CRYBA1: variants seen among roughly 807,000 people sequenced by gnomAD.
The protein encoded by CRYBA1 is crystallin beta A1.
In CRYBA1, 25 loss-of-function variants were observed where a neutral mutation model predicts 36.2. The observed-to-expected ratio is 0.69, with a 90% CI of 0.50 to 0.97. CRYBA1 has a LOEUF of 0.97. CRYBA1 is among the 50% of genes least tolerant of loss of function. The pLI, the probability that CRYBA1 is intolerant of heterozygous loss-of-function variation, is 0.00. For synonymous variants in CRYBA1, 111 were observed against 90.0 expected, an observed-to-expected ratio of 1.23 and a Z score of -1.32; for missense variants, 224 against 276.3, an observed-to-expected ratio of 0.81 and a Z score of 1.34.
intron 2 of CRYBA1, 145 bp from the exon 3 acceptor site, chr17:29,250,037 G>A (rs2068925685): frequency 1.3e-6 from 1 of 742,908 alleles, no homozygotes; most frequent in Non-Finnish European, 2.5e-6. Flanking sequence ...TTCCTGCCCT[G>A]TCTACACTGG....
In CRYBA1 at chr17:29,252,145, G is replaced by C; in HGVS notation, c.297G>C (p.Trp99Cys). ...GAGAATACCCTCGCTGGGATGCCTG[G>C]AGTGGGAGTAATGCCTACCACATTG... ...ERGEYPRWDA[W>C]SGSNAYHIER... Residue 99 changes from tryptophan (W) to cysteine (C), a missense_variant, in exon 4 of 6, where the codon TGG (tryptophan) becomes TGC (cysteine). By Grantham distance (215) the Trp-to-Cys change is radical. Transcript: ENST00000225387. 1 of 1,614,120 alleles carries C rather than the reference G, an allele frequency of 6.2e-7. No individual in the cohort carries two copies. The highest frequency in any genetic ancestry group is 1.7e-5 in the Admixed American group (1 of 60,016).
intron 1 of CRYBA1, among the ~76,000 whole-genome samples, chr17:29,247,220 C>T (rs1172539170): frequency 1.3e-5 from 2 of 152,192 alleles, no homozygotes; most frequent in Non-Finnish European, 2.9e-5. Context: ...AGTTGACATG[C>T]ATCATTCCTG....
At chr17:29,249,880 G>A (rs1043837249) in intron 2 of CRYBA1, among the ~76,000 whole-genome samples, 10 of 150,486 alleles carry the variant, frequency 6.6e-5, no homozygotes, top group Admixed American at 4.6e-4. Context: ...AGGAACTGTG[G>A]TGGAATGGGA....
At chr17:29,253,898 CA>C (rs2068951951) in intron 5 of CRYBA1, 116 bp downstream of exon 5, 1 of 1,345,980 alleles carries the variant, frequency 7.4e-7, no homozygotes, top group Admixed American at 2.0e-5. Flanking sequence ...TCTAGTTCTA[CA>C]TAATTTTGAA....
rs1302272699 is a variant in CRYBA1, at chr17:29,253,628, T to C, written c.358-12T>C. On this transcript the variant is annotated splice_polypyrimidine_tract_variant and intron_variant, in intron 4 of 5. Coordinates refer to ENST00000225387, the MANE Select transcript of CRYBA1 (RefSeq NM_005208.5). Reference sequence around the variant, plus strand: ...TAGTACTAAACATTTTAAAACAATTTCTGAATTACAGAATCATAAGGAGTC... The same window carrying C: ...TAGTACTAAACATTTTAAAACAATTCCTGAATTACAGAATCATAAGGAGTC... 1 of 1,608,930 alleles carries C rather than the reference T, an allele frequency of 6.2e-7. No individual in the cohort carries two copies. Among genetic ancestry groups the C allele is most frequent in the Non-Finnish European group, 8.5e-7 (1 of 1,175,352 alleles).
At chr17:29,247,225 T>C (rs2068906189) in intron 1 of CRYBA1, among the ~76,000 whole-genome samples, 1 of 152,166 alleles carries the variant, frequency 6.6e-6, no homozygotes, top group African/African-American at 2.4e-5. Context: ...ACATGCATCA[T>C]TCCTGGGCCC....
Position 29,254,190 on chromosome 17 carries a change from T to C in CRYBA1, c.501-12T>C. The C allele has an allele frequency of 2.5e-6, 4 of 1,614,042 alleles. No homozygotes were observed. Among genetic ancestry groups the C allele is most frequent in the East Asian group, 4.5e-5 (2 of 44,882 alleles). Reference sequence around the variant, plus strand: ...TTAGTTTTAATAATGAAATGTACTTTGAATTTCCTAGCTGGGTTTGCTACC... The same window carrying C: ...TTAGTTTTAATAATGAAATGTACTTCGAATTTCCTAGCTGGGTTTGCTACC... On this transcript the variant is annotated splice_polypyrimidine_tract_variant and intron_variant, in intron 5 of 5. Coordinates refer to ENST00000225387, the MANE Select transcript of CRYBA1 (RefSeq NM_005208.5).
intron 2 of CRYBA1, 81 bp downstream of exon 2, chr17:29,249,287 A>G (rs941126811): frequency 3.7e-5 from 36 of 978,300 alleles, no homozygotes; most frequent in Non-Finnish European, 5.2e-5. Flanking sequence ...CTCGTCCATA[A>G]GGCAGTGACT....
At chr17:29,251,471 G>A (rs781677003) in intron 3 of CRYBA1, among the ~76,000 whole-genome samples, 33 of 151,996 alleles carry the variant, frequency 2.2e-4, no homozygotes, top group Non-Finnish European at 4.7e-4. Flanking sequence ...TAGAGAATAG[G>A]TGATTTGGAG....
At chr17:29,247,018 G>T in intron 1 of CRYBA1, 124 bp downstream of exon 1, 1 of 1,099,032 alleles carries the variant, frequency 9.1e-7, no homozygotes. Flanking sequence ...AGAAGAGTGG[G>T]GAACTCTGGC....
Position 29,251,993 on chromosome 17 carries a change from C to T in CRYBA1, c.216-71C>T, listed in dbSNP as rs55885610. ...TACCCCACTATTGACTTATCTAAAA[C>T]GAAAGATGCCTTCTCCCCAAGGCCA... On this transcript the variant is annotated intron_variant, in intron 3 of 5. Transcript: ENST00000225387. 0.03 allele frequency: 48,672 copies of T among 1,605,860 alleles called. 866 individuals are homozygous for T. The highest frequency in any genetic ancestry group is 0.035 in the Non-Finnish European group (40,741 of 1,172,682).
In CRYBA1 at chr17:29,254,340, C is replaced by G. The variant is rs1474399687; in HGVS notation, c.639C>G (p.Ile213Met). The G allele has an allele frequency of 6.8e-6, 11 of 1,614,114 alleles. No individual in the cohort carries two copies. Among genetic ancestry groups the G allele is most frequent in the Non-Finnish European group, 9.3e-6 (11 of 1,180,020 alleles). The change falls in exon 6 of 6, where the codon ATC (isoleucine) becomes ATG (methionine). Residue 213 changes from isoleucine to methionine, a missense_variant. Coordinates refer to ENST00000225387, the MANE Select transcript of CRYBA1 (RefSeq NM_005208.5). ...QTSQIQSIRR[I>M]QQ Reference sequence around the variant, plus strand: ...CGCAGATCCAATCGATTCGCCGAATCCAACAGTAGCTGATTAAAAGCTCCA... The same window carrying G: ...CGCAGATCCAATCGATTCGCCGAATGCAACAGTAGCTGATTAAAAGCTCCA...
At chr17:29,250,151 A>G in intron 2 of CRYBA1, 31 bp from the exon 3 acceptor site, 2 of 1,207,168 alleles carry the variant, frequency 1.7e-6, no homozygotes, top group Non-Finnish European at 2.5e-6. Flanking sequence ...CTGATGTTCT[A>G]GCTCTCTTGC....
chr17:29,248,116 CAAA>C (rs561299746), intron 1 of CRYBA1, among the ~76,000 whole-genome samples: 2 of 130,070 alleles, frequency 1.5e-5, no homozygotes. Flanking sequence ...AACTCTATCT[CAAA>C]AAAAAAAAAA....
At chr17:29,252,711 G>A (rs935002550) in intron 4 of CRYBA1, among the ~76,000 whole-genome samples, 1 of 152,136 alleles carries the variant, frequency 6.6e-6, no homozygotes, top group African/African-American at 2.4e-5. Context: ...GATGTTTCTG[G>A]TCTTTGGAAA....
At chr17:29,253,559 A>G in intron 4 of CRYBA1, 81 bp from the exon 5 acceptor site, 1 of 1,182,612 alleles carries the variant, frequency 8.5e-7, no homozygotes, top group Non-Finnish European at 1.2e-6. Flanking sequence ...ATAATCCAAA[A>G]GTGTTTCAAT....
rs2068957628 is a variant in CRYBA1 at position 29,254,479 on chromosome 17, A to AT, written c.*133dup. ...GCTGCTGAAATCCACAATAAACGTC[A>AT]TTTAAAAAAAAAAAACTTTGTAGAC... On this transcript the variant is annotated 3_prime_UTR_variant, in exon 6 of 6. Transcript: ENST00000225387. 1.0e-6 allele frequency: 1 copy of AT among 965,522 alleles called. No homozygotes were observed. Among genetic ancestry groups the AT allele is most frequent in the South Asian group, 1.5e-5 (1 of 68,628 alleles). 59.8% of individuals were successfully genotyped at this position (965,522 alleles called of 1,614,324 possible). A position where few individuals can be genotyped will look rare whatever the true frequency, so the allele number is the denominator to read the frequency against.
Position 29,252,098 on chromosome 17 carries a change from C to T in CRYBA1, c.250C>T (p.Gln84Ter), listed in dbSNP as rs2068939312. 1.9e-6 allele frequency: 3 copies of T among 1,614,044 alleles called. No homozygotes were observed. The highest frequency in any genetic ancestry group is 1.3e-5 in the African/African-American group (1 of 74,928). ...IGYEHTSFCGQQFILERGEYP... is the reference protein window; with the variant it reads ...IGYEHTSFCG ...TTATGAGCATACCAGCTTCTGTGGG[C>T]AACAGTTTATCCTGGAGAGAGGAGA... The change falls in exon 4 of 6, where the codon CAA (glutamine) becomes TAA (stop). Residue 84 changes from glutamine to a stop codon, truncating the protein, a stop_gained. Transcript: ENST00000225387. LOFTEE classifies it high-confidence loss of function.
chr17:29,253,698 G>A lies in CRYBA1; in HGVS notation c.416G>A (p.Trp139Ter), dbSNP rs1232082183. The change falls in exon 5 of 6, where the codon TGG becomes TAG. Residue 139 changes from tryptophan (W) to a stop codon, truncating the protein, a stop_gained. Coordinates refer to ENST00000225387, the MANE Select transcript of CRYBA1 (RefSeq NM_005208.5). LOFTEE classifies it high-confidence loss of function. ...FEKENFIGRQ[W>*]EISDDYPSLQ... ...AAGGAAAACTTTATTGGACGCCAGTGGGAGATCTCTGACGACTACCCCTCC... is the reference window on the plus strand; with the variant it reads ...AAGGAAAACTTTATTGGACGCCAGTAGGAGATCTCTGACGACTACCCCTCC... 6.2e-7 allele frequency: 1 copy of A among 1,613,994 alleles called. No individual in the cohort carries two copies. Among genetic ancestry groups the A allele is most frequent in the Non-Finnish European group, 8.5e-7 (1 of 1,179,878 alleles).
Sources: allele counts gnomAD v4.1 joint callset (sites outside exome capture counted in the v4.1 genomes callset), GRCh38; gene constraint gnomAD v4.1.1; transcripts MANE v1.5; gene names NCBI Gene and HGNC (gene_info 2026-07-23, HGNC 2026-07-21).